The following OCA2 variants were observed in gnomAD, a reference collection of about 807,000 sequenced individuals.
OCA2 encodes P protein.
OCA2 carries 77 observed loss-of-function variants against 100.2 expected under a neutral mutation model. That is an observed-to-expected ratio of 0.77 (90% confidence interval 0.64 to 0.93). OCA2 has a LOEUF of 0.93. Among genes scored for constraint, OCA2 ranks in the 40% least tolerant of loss-of-function variants. OCA2 has a pLI of 0.00. For synonymous variants in OCA2, 432 were observed against 439.2 expected (o/e 0.98, Z 0.21); for missense variants, 1,062 against 1,089.1 (o/e 0.98, Z 0.35).
At chr15:28,088,183 G>T (rs2044811299) in intron 1 of OCA2, among the ~76,000 whole-genome samples, 1 of 152,192 alleles carries the variant, frequency 6.6e-6, no homozygotes, top group Non-Finnish European at 1.5e-5. Context: ...TTGATAGCAT[G>T]CTATTGAATA....
chr15:27,768,825 G>A lies in OCA2; in HGVS notation c.2433-13353C>T, dbSNP rs1002953795. On this transcript the variant is annotated intron_variant, in intron 23 of 23. Transcript: ENST00000354638. ...TTCTGAAGGGGAAGGCAAGGCCTGC[G>A]GGCAGCTCTTTCCCTGGCACTTCAA... 3.3e-5 allele frequency among the ~76,000 whole-genome samples: 5 copies of A among 152,158 alleles called. No homozygotes were observed. In the East Asian group the frequency reaches 7.7e-4, roughly 23 times the overall value.
intron 2 of OCA2, among the ~76,000 whole-genome samples, chr15:28,077,129 A>G (rs2044458752): frequency 6.6e-6 from 1 of 150,616 alleles, no homozygotes; most frequent in African/African-American, 2.4e-5. Flanking sequence ...GTGAGATCTC[A>G]GCTTACTGCA....
At chr15:28,083,597 AAAT>A (rs2044718552) in intron 1 of OCA2, among the ~76,000 whole-genome samples, 1 of 152,258 alleles carries the variant, frequency 6.6e-6, no homozygotes, top group Admixed American at 6.5e-5. Context: ...CGCATGAGCT[AAAT>A]GTTTCAATAT....
At position 27,851,679 on chromosome 15, in the gene OCA2, A is replaced by AC. The variant is rs529344037; in HGVS notation, c.2245-205dup. On this transcript the variant is annotated intron_variant, in intron 21 of 23. Coordinates refer to ENST00000354638, the MANE Select transcript of OCA2 (RefSeq NM_000275.3). ...CTGTATGTCTTTGATGCCAGCTGCC[A>AC]CCAACTGGTCCTCCTGGTCCTGAGC... Among the ~76,000 whole-genome samples, 13 of 152,312 alleles carry AC rather than the reference A, an allele frequency of 8.5e-5. No individual in the cohort carries two copies. In the East Asian group the frequency reaches 2.5e-3, roughly 29 times the overall value.
intron 19 of OCA2, among the ~76,000 whole-genome samples, chr15:27,899,118 G>A (rs2037823677): frequency 6.6e-6 from 1 of 152,160 alleles, no homozygotes; most frequent in African/African-American, 2.4e-5. Context: ...ATGCATGGTT[G>A]GCTCAATATT....
intron 14 of OCA2, among the ~76,000 whole-genome samples, chr15:27,971,731 C>T (rs1031438215): frequency 5.9e-5 from 9 of 152,164 alleles, no homozygotes; most frequent in African/African-American, 1.9e-4. Flanking sequence ...AAAATGTGGA[C>T]GAGTTTTCAG....
chr15:27,840,070 T>C (rs1050140081), intron 23 of OCA2, among the ~76,000 whole-genome samples: 56 of 152,254 alleles, frequency 3.7e-4, no homozygotes, highest in Admixed American at 1.4e-3. Flanking sequence ...GGAATACATT[T>C]AAAGCAGTGT....
intron 13 of OCA2, among the ~76,000 whole-genome samples, chr15:27,984,589 C>T (rs2041282180): frequency 6.6e-6 from 1 of 152,080 alleles, no homozygotes; most frequent in Non-Finnish European, 1.5e-5. Flanking sequence ...GAGACGGAGT[C>T]TCGCTCTGTT....
the OCA2 span, among the ~76,000 whole-genome samples, chr15:27,723,108 G>A: frequency 6.6e-6 from 1 of 152,080 alleles, no homozygotes; most frequent in Non-Finnish European, 1.5e-5. Context: ...CTCCCAAAGT[G>A]TTGGGATTAC....
chr15:27,722,938 C>T, the OCA2 span, among the ~76,000 whole-genome samples: 1 of 151,684 alleles, frequency 6.6e-6, no homozygotes, highest in South Asian at 2.1e-4. Context: ...ACTTGCCTGA[C>T]TCAAGCGATT....
intron 23 of OCA2, among the ~76,000 whole-genome samples, chr15:27,844,299 T>C (rs544415835): frequency 1.6e-4 from 25 of 152,270 alleles, no homozygotes; most frequent in Non-Finnish European, 1.0e-4. Context: ...CCACCCTGGC[T>C]TCAGTCTGCA....
Position 27,957,911 on chromosome 15 carries a change from C to T in OCA2, c.1637-176G>A, listed in dbSNP as rs1212699798. 4.6e-5 allele frequency among the ~76,000 whole-genome samples: 7 copies of T among 152,118 alleles called. No homozygotes were observed. Among genetic ancestry groups the T allele is most frequent in the African/African-American group, 1.7e-4 (7 of 41,424 alleles). On this transcript the variant is annotated intron_variant, in intron 15 of 23. Transcript: ENST00000354638. This position sits in a 1 kb window ranked among gnomAD's most constrained non-coding sequence, Gnocchi z 4.3. ...CTGAGCTATTGCAATGGAGCCCAGA[C>T]GACAAAGCCGACATTTAAAAATTAT... is the stretch of plus-strand genomic sequence containing the variant.
At chr15:27,937,417 A>G (rs746565433) in intron 18 of OCA2, among the ~76,000 whole-genome samples, 10 of 152,206 alleles carry the variant, frequency 6.6e-5, no homozygotes, top group Non-Finnish European at 1.0e-4. Flanking sequence ...TGGGCATACC[A>G]CTGTGAACAA....
chr15:27,891,023 C>CAAAAAAAAAAAAAAA (rs578093435), intron 19 of OCA2, among the ~76,000 whole-genome samples: 101 of 117,956 alleles, frequency 8.6e-4, no homozygotes, highest in African/African-American at 2.9e-3. Context: ...GACTCCATCT[C>CAAAAAAAAAAAAAAA]AAAAAAAAAA....
intron 23 of OCA2, among the ~76,000 whole-genome samples, chr15:27,761,365 C>G (rs973414788): frequency 6.6e-6 from 1 of 151,524 alleles, no homozygotes; most frequent in African/African-American, 2.4e-5. Flanking sequence ...AAATTAAACA[C>G]TTAGGCATAA....
intron 2 of OCA2, among the ~76,000 whole-genome samples, chr15:28,038,549 A>G (rs1416259529): frequency 3.3e-5 from 5 of 152,186 alleles, no homozygotes; most frequent in Non-Finnish European, 7.3e-5. Flanking sequence ...ACTTCTCAGG[A>G]AAGAGATTAT....
chr15:27,774,171 C>T (rs17651026), intron 23 of OCA2, among the ~76,000 whole-genome samples: 1 of 152,168 alleles, frequency 6.6e-6, no homozygotes, highest in Non-Finnish European at 1.5e-5. Context: ...AGACTGTCAC[C>T]AAGTCCCTCA....
intron 21 of OCA2, among the ~76,000 whole-genome samples, chr15:27,867,882 G>T (rs941821418): frequency 1.3e-5 from 2 of 152,086 alleles, no homozygotes; most frequent in Admixed American, 1.3e-4. Flanking sequence ...ATTTTTTAAG[G>T]AACAAAATAT....
intron 23 of OCA2, among the ~76,000 whole-genome samples, chr15:27,826,343 G>C (rs1273774723): frequency 6.2e-5 from 9 of 144,420 alleles, no homozygotes; most frequent in Non-Finnish European, 1.3e-4. Flanking sequence ...GAGAAGTCAA[G>C]GAACTTCCCA....
Sources: gnomAD v4.1 joint callset for allele counts (sites outside exome capture counted in the v4.1 genomes callset) on GRCh38, gnomAD v4.1.1 for gene constraint, Gnocchi (gnomAD v3.1) non-coding constraint, MANE v1.5 for transcripts, NCBI Gene and HGNC (gene_info 2026-07-23, HGNC 2026-07-21) for gene names.